The following GSAP variants were observed in gnomAD, a reference collection of about 807,000 sequenced individuals.
The protein encoded by GSAP is gamma-secretase activating protein.
A neutral mutation model predicts 131.7 loss-of-function variants in GSAP; 118 were observed. The ratio of observed to expected loss-of-function variants is 0.90; its 90% CI spans 0.77 to 1.04. The LOEUF is 1.04. Among genes scored for constraint, GSAP ranks in the 50% least tolerant of loss-of-function variants. The probability of loss-of-function intolerance (pLI) is 0.00; values close to 1 mark genes in which losing one functional copy is unlikely to be tolerated. For synonymous variants in GSAP, 381 were observed against 363.4 expected (o/e 1.05, Z -0.55); for missense variants, 1,019 against 1,013.2 (o/e 1.01, Z -0.08).
rs2293454 is a variant in GSAP, at chr7:77,320,852, A to G, written c.1995-33T>C. On this transcript the variant is annotated intron_variant, in intron 25 of 30. Transcript: ENST00000257626. ...AAAAAAACAAAGCAGCATGTCAGCC[A>G]AGGAGCTCATCTGTGATGCTCCATT... The G allele has an allele frequency of 7.8e-4, 1,044 of 1,331,836 alleles. 15 individuals are homozygous for G. The East Asian group carries it at 0.02, about 25-fold the overall frequency. The allele number at this position is 1,331,836 out of a possible 1,614,324, so 82.5% of individuals were successfully genotyped here. A position where few individuals can be genotyped will look rare whatever the true frequency, so the allele number is the denominator to read the frequency against.
At chr7:77,344,048 C>T (rs944029191) in intron 19 of GSAP, among the ~76,000 whole-genome samples, 1 of 152,190 alleles carries the variant, frequency 6.6e-6, no homozygotes, top group Admixed American at 6.5e-5. Context: ...GAAACTAAAA[C>T]ACCTCTTGGT....
At chr7:77,379,192 T>C (rs946049742) in intron 8 of GSAP, among the ~76,000 whole-genome samples, 1 of 151,858 alleles carries the variant, frequency 6.6e-6, no homozygotes, top group Non-Finnish European at 1.5e-5. Flanking sequence ...AACAAGAAAA[T>C]GAATGTCAGA....
At chr7:77,391,155 A>T (rs1048213035) in intron 5 of GSAP, among the ~76,000 whole-genome samples, 4 of 149,546 alleles carry the variant, frequency 2.7e-5, no homozygotes, top group African/African-American at 9.8e-5. Flanking sequence ...AAAGAAAAAG[A>T]AAAAGAATAA....
chr7:77,319,159 A>G (rs892825881), intron 26 of GSAP, among the ~76,000 whole-genome samples: 5 of 152,216 alleles, frequency 3.3e-5, no homozygotes, highest in Non-Finnish European at 5.9e-5. Flanking sequence ...TATATCTAAC[A>G]AAGAGTTAAT....
chr7:77,350,704 T>C (rs1004246175), intron 18 of GSAP, among the ~76,000 whole-genome samples: 4 of 151,966 alleles, frequency 2.6e-5, no homozygotes, highest in Non-Finnish European at 4.4e-5. Flanking sequence ...GACTGCACCA[T>C]TGCACTCCAG....
intron 17 of GSAP, 62 bp from the exon 18 acceptor site, chr7:77,353,088 A>G: frequency 1.1e-6 from 1 of 878,734 alleles, no homozygotes; most frequent in Non-Finnish European, 1.9e-6. Context: ...TGATGACAGC[A>G]TTGTAATGCA....
At chr7:77,411,290 C>T (rs922782858) in intron 1 of GSAP, among the ~76,000 whole-genome samples, 1 of 152,062 alleles carries the variant, frequency 6.6e-6, no homozygotes, top group Admixed American at 6.5e-5. Context: ...TATCATAAAT[C>T]CAAGACTAAT....
intron 1 of GSAP, chr7:77,415,988 C>T (rs1242883918): frequency 2.4e-6 from 1 of 420,012 alleles, no homozygotes; most frequent in South Asian, 5.2e-5. Context: ...CCAGGCGCCT[C>T]AGGCCCCACG....
intron 7 of GSAP, among the ~76,000 whole-genome samples, chr7:77,381,966 C>A (rs1220033851): frequency 4.0e-5 from 6 of 150,588 alleles, no homozygotes; most frequent in African/African-American, 1.5e-4. Context: ...CCTTACCCCT[C>A]AAGCCTGTCC....
intron 1 of GSAP, among the ~76,000 whole-genome samples, chr7:77,412,741 G>A (rs142078794): frequency 0.012 from 1,783 of 148,326 alleles, 13 homozygotes; most frequent in Non-Finnish European, 0.02. Flanking sequence ...GCTCAACCTC[G>A]GAGCACAATG....
chr7:77,312,202 G>C lies in GSAP; in HGVS notation c.2272C>G (p.Leu758Val). Reference sequence around the variant, plus strand: ...AGTCTACAAATCTTCTGCCCAATAAGCTATTATGCAAATTGAAAAAAATGT... The same window carrying C: ...AGTCTACAAATCTTCTGCCCAATAACCTATTATGCAAATTGAAAAAAATGT... Reference protein sequence around the residue: ...KFSIIVRLPPLIGQKICRLWD... With the variant: ...KFSIIVRLPPVIGQKICRLWD... The change falls in exon 29 of 31, where the codon CTT (leucine) becomes GTT (valine). Residue 758 changes from leucine (L) to valine (V), a missense_variant and splice_region_variant. Transcript: ENST00000257626. 12 of 1,553,196 alleles carry C rather than the reference G, an allele frequency of 7.7e-6. No individual in the cohort carries two copies. The highest frequency in any genetic ancestry group is 9.6e-6 in the Non-Finnish European group (11 of 1,142,978).
chr7:77,380,050 T>A, intron 8 of GSAP: 1 of 379,228 alleles, frequency 2.6e-6, no homozygotes, highest in Non-Finnish European at 3.6e-6. Flanking sequence ...ATTAAGATCC[T>A]ATACAAATTA....
intron 19 of GSAP, chr7:77,332,007 A>G (rs78002777): frequency 0.081 from 12,371 of 152,178 alleles, 720 homozygotes; most frequent in Non-Finnish European, 0.11. Flanking sequence ...CAGGCACAGG[A>G]GTGCCAAAAG....
chr7:77,381,893 C>T (rs1339160451), intron 7 of GSAP, among the ~76,000 whole-genome samples: 3 of 151,282 alleles, frequency 2.0e-5, no homozygotes, highest in African/African-American at 7.3e-5. Context: ...TTGAATTCAG[C>T]CATATTTACC....
chr7:77,377,328 C>T lies in GSAP; in HGVS notation c.639G>A (p.Gln213=), dbSNP rs375590841. 2 of 1,575,626 alleles carry T rather than the reference C, an allele frequency of 1.3e-6. No individual in the cohort carries two copies. Among genetic ancestry groups the T allele is most frequent in the Non-Finnish European group, 8.6e-7 (1 of 1,162,698 alleles). ...DRIAEDFVWA[Q]WDMSEQRLYY... is the part of the protein sequence containing the mutation. ...ATAATCTCTGTTCTGACATATCCCACTGAGCCCAAACGAAATCCTCAGCTA... is the reference window on the plus strand; with the variant it reads ...ATAATCTCTGTTCTGACATATCCCATTGAGCCCAAACGAAATCCTCAGCTA... Residue 213 remains glutamine, a synonymous_variant, in exon 9 of 31, where the codon CAG becomes CAA. Coordinates refer to ENST00000257626, the MANE Select transcript of GSAP (RefSeq NM_017439.4).
intron 30 of GSAP, 116 bp downstream of exon 30, chr7:77,311,724 AT>A: frequency 1.6e-6 from 1 of 631,142 alleles, no homozygotes; most frequent in Non-Finnish European, 2.8e-6. Flanking sequence ...ACCAATTGCT[AT>A]AAGGGTCTAC....
chr7:77,346,478 T>A (rs549940775), intron 19 of GSAP, among the ~76,000 whole-genome samples: 2 of 150,510 alleles, frequency 1.3e-5, no homozygotes, highest in East Asian at 2.0e-4. Flanking sequence ...GTTAGGAGGA[T>A]GGCTTTAGCT....
chr7:77,386,325 ACTAACT>A (rs1563088419), intron 6 of GSAP, among the ~76,000 whole-genome samples: 11 of 152,222 alleles, frequency 7.2e-5, no homozygotes, highest in African/African-American at 2.2e-4. Flanking sequence ...ACTCGTGTAT[ACTAACT>A]ATCCTGTGAT....
Position 77,326,228 on chromosome 7 carries a change from C to A in GSAP, c.1811G>T (p.Arg604Leu). Residue 604 changes from arginine to leucine, a missense_variant, in exon 23 of 31, where the codon CGG (arginine) becomes CTG (leucine). Physicochemically the swap from Arg to Leu is moderately radical, Grantham distance 102. Transcript: ENST00000257626. ...PLLQEEDSHQ[R>L]LLMGLMVSEL... ...ACCACTTACCAGCCCCATGAGCAGC[C>A]GCTGGTGGCTGTCTTCCTCCTGCAG... 7.4e-6 allele frequency: 12 copies of A among 1,612,644 alleles called. No homozygotes were observed. Among genetic ancestry groups the A allele is most frequent in the Non-Finnish European group, 1.0e-5 (12 of 1,179,004 alleles).
Sources: gnomAD v4.1 joint callset for allele counts (sites outside exome capture counted in the v4.1 genomes callset) on GRCh38, gnomAD v4.1.1 for gene constraint, MANE v1.5 for transcripts, NCBI Gene and HGNC (gene_info 2026-07-23, HGNC 2026-07-21) for gene names.